MAGI2: variants seen among roughly 807,000 people sequenced by gnomAD.
The protein encoded by MAGI2 is membrane-associated guanylate kinase, WW and PDZ domain-containing protein 2.
In MAGI2, 35 loss-of-function variants were observed where a neutral mutation model predicts 133.3. That is an observed-to-expected ratio of 0.26 (90% CI 0.20 to 0.35). MAGI2 has a LOEUF of 0.35. MAGI2 is among the 10% of genes least tolerant of loss of function. The probability of loss-of-function intolerance (pLI) is 1.00; values close to 1 mark genes in which losing one functional copy is unlikely to be tolerated. For missense variants in MAGI2, 1,636 were observed against 1,863.4 expected (o/e 0.88, Z 2.25); for synonymous variants, 729 against 710.6 (o/e 1.03, Z -0.41).
chr7:78,632,444 G>GCA (rs1809119076), intron 2 of MAGI2, among the ~76,000 whole-genome samples: 1 of 152,312 alleles, frequency 6.6e-6, no homozygotes, highest in East Asian at 1.9e-4. Flanking sequence ...CTTGTAGGCT[G>GCA]TACACTACCC....
At chr7:79,034,743 G>A (rs1470161871) in intron 1 of MAGI2, among the ~76,000 whole-genome samples, 1 of 152,134 alleles carries the variant, frequency 6.6e-6, no homozygotes, top group Non-Finnish European at 1.5e-5. Context: ...ATCCAATACT[G>A]ACCATAAGCA....
intron 1 of MAGI2, among the ~76,000 whole-genome samples, chr7:79,390,284 TCAGGTACAG>T (rs1844505629): frequency 1.3e-5 from 2 of 152,122 alleles, no homozygotes; most frequent in East Asian, 3.9e-4. Context: ...AACAAAATCT[TCAGGTACAG>T]TATTATTTTT....
chr7:79,078,375 T>C (rs1041607452), intron 1 of MAGI2, among the ~76,000 whole-genome samples: 1 of 151,958 alleles, frequency 6.6e-6, no homozygotes. Context: ...ATCAAATAAA[T>C]CCCAGCTAGC....
At chr7:78,035,607 A>G (rs549034084) in intron 21 of MAGI2, among the ~76,000 whole-genome samples, 17 of 152,292 alleles carry the variant, frequency 1.1e-4, no homozygotes, top group Non-Finnish European at 1.8e-4. Context: ...GGTTGACTTC[A>G]GCCCTTGTTT....
intron 1 of MAGI2, among the ~76,000 whole-genome samples, chr7:79,222,225 A>G (rs556999363): frequency 6.6e-6 from 1 of 152,188 alleles, no homozygotes; most frequent in East Asian, 1.9e-4. Context: ...AATAAATGGA[A>G]GTTCAATCAA....
chr7:78,572,778 T>G (rs1000828884), intron 3 of MAGI2, among the ~76,000 whole-genome samples: 1 of 151,774 alleles, frequency 6.6e-6, no homozygotes, highest in African/African-American at 2.4e-5. Context: ...TTCTCCTGCC[T>G]TAGCCACCCA....
At chr7:78,577,688 G>T (rs201872075) in intron 3 of MAGI2, among the ~76,000 whole-genome samples, 1 of 151,916 alleles carries the variant, frequency 6.6e-6, no homozygotes, top group African/African-American at 2.4e-5. Flanking sequence ...GGTACTCAGT[G>T]GGGGAGCTTT....
At chr7:79,006,025 C>G (rs1200986166) in intron 2 of MAGI2, among the ~76,000 whole-genome samples, 1 of 152,132 alleles carries the variant, frequency 6.6e-6, no homozygotes, top group East Asian at 1.9e-4. Context: ...AAAAGTCCAC[C>G]TCTCCTAAAA....
At chr7:78,781,397 A>AG (rs1826387664) in intron 2 of MAGI2, among the ~76,000 whole-genome samples, 1 of 151,636 alleles carries the variant, frequency 6.6e-6, no homozygotes, top group Non-Finnish European at 1.5e-5. Flanking sequence ...AAAAAAAAAA[A>AG]AAGAATATAG....
chr7:78,990,366 A>T (rs998455436), intron 2 of MAGI2, among the ~76,000 whole-genome samples: 1 of 152,124 alleles, frequency 6.6e-6, no homozygotes, highest in Non-Finnish European at 1.5e-5. Flanking sequence ...ATCAAGTTTA[A>T]GACCCTCTGT....
At chr7:78,328,615 C>A (rs189705626) in intron 9 of MAGI2, among the ~76,000 whole-genome samples, 1 of 151,474 alleles carries the variant, frequency 6.6e-6, no homozygotes, top group Non-Finnish European at 1.5e-5. Flanking sequence ...CAATCTTATA[C>A]AAGTCCATGA....
intron 6 of MAGI2, among the ~76,000 whole-genome samples, chr7:78,443,575 T>C (rs1787832330): frequency 6.6e-6 from 1 of 152,182 alleles, no homozygotes; most frequent in Non-Finnish European, 1.5e-5. Context: ...TGATTATTCC[T>C]CTGTTATAAC....
intron 10 of MAGI2, among the ~76,000 whole-genome samples, chr7:78,214,159 C>T (rs2150814309): frequency 6.6e-6 from 1 of 152,308 alleles, no homozygotes; most frequent in East Asian, 1.9e-4. Context: ...ACTGATTTGT[C>T]TATTTCAGAC....
intron 3 of MAGI2, among the ~76,000 whole-genome samples, chr7:78,547,527 GTTCA>G (rs1311673002): frequency 6.6e-6 from 1 of 152,096 alleles, no homozygotes; most frequent in African/African-American, 2.4e-5. Context: ...TCATTCATTC[GTTCA>G]TTCAATTTTC....
chr7:79,240,651 C>T (rs1306160584), intron 1 of MAGI2, among the ~76,000 whole-genome samples: 1 of 152,124 alleles, frequency 6.6e-6, no homozygotes, highest in South Asian at 2.1e-4. Flanking sequence ...CTCCTTCCAA[C>T]TTATGATTTC....
intron 2 of MAGI2, among the ~76,000 whole-genome samples, chr7:78,673,794 A>G (rs1341586736): frequency 1.3e-5 from 2 of 152,152 alleles, no homozygotes. Context: ...ATCTAGAATA[A>G]TGTCTGATCA....
At chr7:78,281,891 A>C (rs1251401780) in intron 9 of MAGI2, among the ~76,000 whole-genome samples, 1 of 151,800 alleles carries the variant, frequency 6.6e-6, no homozygotes, top group Non-Finnish European at 1.5e-5. Context: ...TCTCAAAAAA[A>C]AAAAAAGGAG....
intron 6 of MAGI2, among the ~76,000 whole-genome samples, chr7:78,445,035 G>A (rs934285633): frequency 2.7e-5 from 4 of 150,090 alleles, no homozygotes; most frequent in East Asian, 1.9e-4. Context: ...ATCTGGGCAG[G>A]GGGCAAGAAG....
chr7:78,366,750 C>T (rs1008376201), intron 7 of MAGI2, among the ~76,000 whole-genome samples: 1 of 152,070 alleles, frequency 6.6e-6, no homozygotes, highest in African/African-American at 2.4e-5. Flanking sequence ...TTCTACTTAA[C>T]ATTGTCTTTA....
Sources: gnomAD v4.1 joint callset for allele counts (sites outside exome capture counted in the v4.1 genomes callset) on GRCh38, gnomAD v4.1.1 for gene constraint, MANE v1.5 for transcripts, NCBI Gene and HGNC (gene_info 2026-07-23, HGNC 2026-07-21) for gene names.